RNF14: variants seen among roughly 807,000 people sequenced by gnomAD.
RNF14 encodes ring finger protein 14, also known as E3 ubiquitin-protein ligase RNF14.
RNF14 carries 26 observed loss-of-function variants against 52.6 expected under a neutral mutation model. That is an observed-to-expected ratio of 0.49 (90% confidence interval 0.36 to 0.69). RNF14 has a LOEUF of 0.69. RNF14 is among the 30% of genes least tolerant of loss of function. The pLI, the probability that RNF14 is intolerant of heterozygous loss-of-function variation, is 0.00. For synonymous variants in RNF14, 194 were observed against 202.0 expected, an observed-to-expected ratio of 0.96 and a Z score of 0.34; for missense variants, 404 against 560.4, an observed-to-expected ratio of 0.72 and a Z score of 2.82.
Position 141,987,778 on chromosome 5 carries a change from G to A in RNF14, c.1413G>A (p.Glu471=). The change falls in exon 9 of 9, where the codon GAG becomes GAA. Residue 471 remains glutamate, a synonymous_variant. Coordinates refer to ENST00000394520, the MANE Select transcript of RNF14 (RefSeq NM_004290.5). The stretch of plus-strand genomic sequence containing the variant: ...TTGACGACGATATTTGGGAAGATGA[G>A]GTAGAAGACTAGTTAACTACTGCTC... ...VDVDDDIWED[E]VED 2 of 1,613,576 alleles carry A rather than the reference G, an allele frequency of 1.2e-6. No homozygotes were observed. Among genetic ancestry groups the A allele is most frequent in the Non-Finnish European group, 1.7e-6 (2 of 1,179,964 alleles).
chr5:141,986,537 C>CTGAGTA (rs1755250859), intron 8 of RNF14, among the ~76,000 whole-genome samples: 1 of 152,210 alleles, frequency 6.6e-6, no homozygotes, highest in African/African-American at 2.4e-5. Context: ...ATTGTATACG[C>CTGAGTA]TGAGTATCAG....
Position 141,987,901 on chromosome 5 carries a change from T to A in RNF14, c.*111T>A. ...GTACTATTCATTCACTCTTCCTGCG[T>A]AGAAGATATGGAAGAACGAGGTTTA... On this transcript the variant is annotated 3_prime_UTR_variant, in exon 9 of 9. Coordinates refer to ENST00000394520, the MANE Select transcript of RNF14 (RefSeq NM_004290.5). 1 of 964,698 alleles carries A rather than the reference T, an allele frequency of 1.0e-6. No individual in the cohort carries two copies. Among genetic ancestry groups the A allele is most frequent in the Non-Finnish European group, 1.7e-6 (1 of 604,098 alleles). The allele number at this position is 964,698 out of a possible 1,614,324, so 59.8% of individuals were successfully genotyped here. A position where few individuals can be genotyped will look rare whatever the true frequency, so the allele number is the denominator to read the frequency against.
chr5:141,971,620 CTT>C (rs1753785000), intron 2 of RNF14, among the ~76,000 whole-genome samples: 1 of 89,396 alleles, frequency 1.1e-5, no homozygotes, highest in African/African-American at 4.5e-5. Flanking sequence ...TCCTTTCTTT[CTT>C]CTTTCTTTCT....
In RNF14 at chr5:141,980,174, C is replaced by T. The variant is rs1434316714; in HGVS notation, c.886C>T (p.Leu296Phe). The change falls in exon 6 of 9, where the codon CTC becomes TTC. Residue 296 changes from leucine to phenylalanine, a missense_variant. Transcript: ENST00000394520. Reference protein sequence around the residue: ...ELFARYDRLLLQSSLDLMADV... With the variant: ...ELFARYDRLLFQSSLDLMADV... ...ATTTGCCCGTTATGACCGCCTTCTC[C>T]TCCAGTCCTCCTTGGACCTGATGGC... is the stretch of plus-strand genomic sequence containing the variant. The T allele has an allele frequency of 6.2e-7, 1 of 1,614,226 alleles. No homozygotes were observed.
At chr5:141,961,818 T>G (rs745719347) in intron 1 of RNF14, among the ~76,000 whole-genome samples, 7 of 151,906 alleles carry the variant, frequency 4.6e-5, no homozygotes, top group Non-Finnish European at 1.0e-4. Context: ...ACTAGTAAGG[T>G]GTGACTCTGA....
At chr5:141,951,559 T>C in the RNF14 span, 1 of 1,614,072 alleles carries the variant, frequency 6.2e-7, no homozygotes, top group African/African-American at 1.3e-5. Flanking sequence ...GAATTGGCCC[T>C]GATGCAGCAA....
upstream of RNF14, chr5:141,956,142 G>GA (rs1753180003): frequency 6.2e-7 from 1 of 1,614,066 alleles, no homozygotes; most frequent in African/African-American, 1.3e-5. Flanking sequence ...TTCCATCGCT[G>GA]AGCACAGGCT....
At chr5:141,951,351 G>T in the RNF14 span, 1 of 649,634 alleles carries the variant, frequency 1.5e-6, no homozygotes, top group South Asian at 1.8e-5. Flanking sequence ...TCCCAGGGTG[G>T]GAGGATGGAT....
rs146256995 is a variant in RNF14, at chr5:141,978,496, T to G, written c.500T>G (p.Leu167Arg). Residue 167 changes from leucine (L) to arginine (R), a missense_variant, in exon 5 of 9, where the codon CTA becomes CGA. Transcript: ENST00000394520. ...RTAQASPNTE[L>R]DFGGAAGSDV... The stretch of plus-strand genomic sequence containing the variant: ...GCTCAAGCTTCTCCCAACACAGAGC[T>G]AGATTTTGGAGGAGCTGCTGGATCT... 31 of 1,614,066 alleles carry G rather than the reference T, an allele frequency of 1.9e-5. No homozygotes were observed. Among genetic ancestry groups the G allele is most frequent in the Non-Finnish European group, 1.4e-5 (17 of 1,180,038 alleles).
upstream of RNF14, chr5:141,956,706 A>G: frequency 6.2e-7 from 1 of 1,614,228 alleles, no homozygotes; most frequent in African/African-American, 1.3e-5. Flanking sequence ...TGTGTCCTGA[A>G]TCCAAGTCAT....
chr5:141,950,514 C>G, the RNF14 span, among the ~76,000 whole-genome samples: 1 of 152,166 alleles, frequency 6.6e-6, no homozygotes, highest in Non-Finnish European at 1.5e-5. Flanking sequence ...GTAAGGGGTT[C>G]TCTTTAATCA....
At chr5:141,984,674 A>T in intron 7 of RNF14, 129 bp from the exon 8 acceptor site, 1 of 755,168 alleles carries the variant, frequency 1.3e-6, no homozygotes, top group South Asian at 1.9e-5. Flanking sequence ...AGTGTGTTAC[A>T]TTGATATCTC....
chr5:141,988,175 G>T lies in RNF14; in HGVS notation c.*385G>T. The T allele has an allele frequency of 5.4e-6, 1 of 184,134 alleles. No individual in the cohort carries two copies. The highest frequency in any genetic ancestry group is 1.2e-5 in the Non-Finnish European group (1 of 86,940). The allele number at this position is 184,134 out of a possible 1,614,324, so 11.4% of individuals were successfully genotyped here. A position where few individuals can be genotyped will look rare whatever the true frequency, so the allele number is the denominator to read the frequency against. The stretch of plus-strand genomic sequence containing the variant: ...GAGAAGCATCCTTCTAAGACATTCT[G>T]TTGGAGTTCCCTCAGTACTATTCCT... On this transcript the variant is annotated 3_prime_UTR_variant, in exon 9 of 9. Transcript: ENST00000394520.
intron 6 of RNF14, among the ~76,000 whole-genome samples, chr5:141,981,199 T>TA (rs2127031043): frequency 6.6e-6 from 1 of 152,372 alleles, no homozygotes; most frequent in East Asian, 1.9e-4. Flanking sequence ...TCAAAATTGT[T>TA]ATATTTGTTA....
chr5:141,965,793 C>A (rs1285353619), upstream of RNF14, among the ~76,000 whole-genome samples: 4 of 152,068 alleles, frequency 2.6e-5, no homozygotes, highest in African/African-American at 7.2e-5. Flanking sequence ...GAACAACACA[C>A]ACTGGGGCCT....
intron 2 of RNF14, among the ~76,000 whole-genome samples, chr5:141,972,655 A>G (rs1753885388): frequency 6.6e-6 from 1 of 152,076 alleles, no homozygotes; most frequent in African/African-American, 2.4e-5. Context: ...CAATGGTGCA[A>G]TCTCAGCTCA....
chr5:141,978,792 C>T lies in RNF14; in HGVS notation c.796C>T (p.Pro266Ser). Reference protein sequence around the residue: ...RDGQVQCLNCPEPKCPSVATP... With the variant: ...RDGQVQCLNCSEPKCPSVATP... ...TGGCCAGGTTCAATGCCTCAACTGCCCAGAACCAAAGTGCCCTTCGGTGGC... is the reference window on the plus strand; with the variant it reads ...TGGCCAGGTTCAATGCCTCAACTGCTCAGAACCAAAGTGCCCTTCGGTGGC... Residue 266 changes from proline (P) to serine (S), a missense_variant, in exon 5 of 9, where the codon CCA (proline) becomes TCA (serine). Coordinates refer to ENST00000394520, the MANE Select transcript of RNF14 (RefSeq NM_004290.5). 2 of 1,613,934 alleles carry T rather than the reference C, an allele frequency of 1.2e-6. No individual in the cohort carries two copies. The highest frequency in any genetic ancestry group is 2.7e-5 in the African/African-American group (2 of 75,026).
intron 8 of RNF14, among the ~76,000 whole-genome samples, 187 bp from the exon 9 acceptor site, chr5:141,987,546 T>C (rs1226360419): frequency 6.6e-6 from 1 of 152,150 alleles, no homozygotes; most frequent in East Asian, 1.9e-4. Context: ...AATGGGCCAT[T>C]CTTAACTAAC....
chr5:141,974,722 GTCTT>G lies in RNF14; in HGVS notation c.155-77_155-74del, dbSNP rs1754091098. On this transcript the variant is annotated intron_variant, in intron 3 of 8. Coordinates refer to ENST00000394520, the MANE Select transcript of RNF14 (RefSeq NM_004290.5). ...TTTATTCCCTCAACTAAAGCATTAA[GTCTT>G]TCTTGAGCGCTGCTCAACAGTAGTG... is the stretch of plus-strand genomic sequence containing the variant. The G allele has an allele frequency of 6.0e-6, 8 of 1,335,052 alleles. No individual in the cohort carries two copies. The Admixed American group carries it at 8.3e-5, about 14-fold the overall frequency. The allele number at this position is 1,335,052 out of a possible 1,614,324, so 82.7% of individuals were successfully genotyped here.
Sources: allele counts gnomAD v4.1 joint callset (sites outside exome capture counted in the v4.1 genomes callset), GRCh38; gene constraint gnomAD v4.1.1; transcripts MANE v1.5; gene names NCBI Gene and HGNC (gene_info 2026-07-23, HGNC 2026-07-21).